RNF150: variants seen among roughly 807,000 people sequenced by gnomAD.
RNF150 encodes ring finger protein 150.
A neutral mutation model predicts 39.3 loss-of-function variants in RNF150; 24 were observed. The ratio of observed to expected loss-of-function variants is 0.61; its 90% CI spans 0.44 to 0.86. The LOEUF is 0.86. RNF150 is among the 40% of genes least tolerant of loss of function. The pLI, the probability that RNF150 is intolerant of heterozygous loss-of-function variation, is 0.00. For missense variants in RNF150, 502 were observed against 587.8 expected (o/e 0.85, Z 1.51); for synonymous variants, 255 against 227.3 (o/e 1.12, Z -1.10).
chr4:141,021,149 A>T (rs1209034611), intron 1 of RNF150, among the ~76,000 whole-genome samples: 1 of 152,186 alleles, frequency 6.6e-6, no homozygotes, highest in Non-Finnish European at 1.5e-5. Context: ...TGCTAAAAGC[A>T]GGCCAGGGTG....
chr4:141,147,102 A>G (rs28556956), intron 1 of RNF150, among the ~76,000 whole-genome samples: 5,137 of 152,244 alleles, frequency 0.034, 314 homozygotes, highest in African/African-American at 0.12. Flanking sequence ...CTACAGGTGT[A>G]TGTCACCACA....
chr4:140,923,937 C>T (rs1449788738), intron 5 of RNF150, among the ~76,000 whole-genome samples: 3 of 149,704 alleles, frequency 2.0e-5, no homozygotes, highest in Non-Finnish European at 4.4e-5. Flanking sequence ...CACATGGACA[C>T]AGGAAGGGGA....
intron 1 of RNF150, among the ~76,000 whole-genome samples, chr4:141,099,067 C>T (rs1259329401): frequency 1.3e-5 from 2 of 152,038 alleles, no homozygotes; most frequent in South Asian, 2.1e-4. Context: ...TTATTTCTGC[C>T]ACTCTTATAT....
chr4:140,999,001 G>GGCTGCTGCT (rs58641225), intron 1 of RNF150, among the ~76,000 whole-genome samples: 2 of 152,020 alleles, frequency 1.3e-5, no homozygotes, highest in African/African-American at 2.4e-5. Context: ...TCACGAAGCA[G>GGCTGCTGCT]GCTGCTGCTG....
chr4:140,998,563 C>T (rs887830529), intron 1 of RNF150, among the ~76,000 whole-genome samples: 2 of 152,196 alleles, frequency 1.3e-5, no homozygotes, highest in Non-Finnish European at 1.5e-5. Flanking sequence ...AAGATTAATA[C>T]CATTACCATC....
At chr4:141,211,927 G>A (rs1728475081) in intron 1 of RNF150, among the ~76,000 whole-genome samples, 1 of 152,122 alleles carries the variant, frequency 6.6e-6, no homozygotes, top group African/African-American at 2.4e-5. Flanking sequence ...TTTAATAGAA[G>A]AATAGAATTT....
chr4:141,161,727 C>T (rs1320616929), intron 1 of RNF150, among the ~76,000 whole-genome samples: 1 of 152,240 alleles, frequency 6.6e-6, no homozygotes, highest in Non-Finnish European at 1.5e-5. Context: ...CTAGCTGCTC[C>T]ATCTCTAGCT....
rs116164411 is a variant in RNF150 at position 141,133,103 on chromosome 4, G to A, written c.-295C>T. 4,057 of 351,852 alleles carry A rather than the reference G, an allele frequency of 0.012. 171 individuals are homozygous for A. Among genetic ancestry groups the A allele is most frequent in the African/African-American group, 0.084 (3,739 of 44,684 alleles). The allele number at this position is 351,852 out of a possible 1,614,324, so 21.8% of individuals were successfully genotyped here. A position where few individuals can be genotyped will look rare whatever the true frequency, so the allele number is the denominator to read the frequency against. The stretch of plus-strand genomic sequence containing the variant: ...GCTTGCGGAGGAGTCCTGCTGCCGA[G>A]CGTCCTGCTCCTTCGCCCGGCTTCG... On this transcript the variant is annotated 5_prime_UTR_variant, in exon 1 of 7. Coordinates refer to ENST00000515673, the MANE Select transcript of RNF150 (RefSeq NM_020724.2).
intron 1 of RNF150, among the ~76,000 whole-genome samples, chr4:141,193,289 T>C (rs1728145308): frequency 6.6e-6 from 1 of 152,224 alleles, no homozygotes; most frequent in South Asian, 2.1e-4. Context: ...ATCTGTTTGG[T>C]TTGTGGTCCA....
chr4:141,127,645 C>T (rs1726787843), intron 1 of RNF150, among the ~76,000 whole-genome samples: 1 of 152,110 alleles, frequency 6.6e-6, no homozygotes, highest in Admixed American at 6.5e-5. Flanking sequence ...AGATATACTC[C>T]ATCCTAGGCT....
intron 1 of RNF150, among the ~76,000 whole-genome samples, chr4:141,079,750 C>T (rs1738078624): frequency 6.6e-6 from 1 of 152,184 alleles, no homozygotes; most frequent in South Asian, 2.1e-4. Context: ...GTAACACCTC[C>T]TAGCAGAACT....
At chr4:141,036,206 A>G (rs138367318) in intron 1 of RNF150, among the ~76,000 whole-genome samples, 120 of 152,264 alleles carry the variant, frequency 7.9e-4, no homozygotes, top group East Asian at 3.1e-3. Context: ...TTTAAATTCT[A>G]CATATGGGGT....
chr4:141,173,136 T>A lies in RNF150; in HGVS notation c.-6+39658A>T, dbSNP rs562756741. The stretch of plus-strand genomic sequence containing the variant: ...CGCTACCTCCATTGCCTTGAGGGAT[T>A]CCAGTGACTATTTCATTTGTATTAG... On this transcript the variant is annotated intron_variant, in intron 1 of 7. Coordinates refer to the RNF150 transcript ENST00000420921. 5.9e-5 allele frequency among the ~76,000 whole-genome samples: 9 copies of A among 152,340 alleles called. No homozygotes were observed. In the East Asian group the frequency reaches 1.3e-3, roughly 23 times the overall value.
chr4:140,908,299 G>T (rs1730468930), intron 6 of RNF150, among the ~76,000 whole-genome samples: 1 of 152,162 alleles, frequency 6.6e-6, no homozygotes, highest in Non-Finnish European at 1.5e-5. Context: ...CAGCCACTTA[G>T]TTAATGGTAT....
chr4:140,958,496 T>C (rs1436157804), intron 2 of RNF150, among the ~76,000 whole-genome samples: 2 of 152,186 alleles, frequency 1.3e-5, no homozygotes, highest in Non-Finnish European at 2.9e-5. Flanking sequence ...TCAATCTGGC[T>C]GCATGCCCTT....
At chr4:140,876,481 T>C (rs1338707708) in intron 6 of RNF150, among the ~76,000 whole-genome samples, 1 of 152,258 alleles carries the variant, frequency 6.6e-6, no homozygotes, top group Non-Finnish European at 1.5e-5. Context: ...TTTTCCCATT[T>C]ATGAGTGGCC....
chr4:141,064,354 G>A (rs1338355930), intron 1 of RNF150, among the ~76,000 whole-genome samples: 1 of 152,168 alleles, frequency 6.6e-6, no homozygotes, highest in Non-Finnish European at 1.5e-5. Flanking sequence ...GTCTGTGTAT[G>A]TTTCCGCTTT....
In RNF150 at chr4:141,165,613, G is replaced by T. The variant is rs568077140; in HGVS notation, c.-6+47181C>A. On this transcript the variant is annotated intron_variant, in intron 1 of 7. Transcript: ENST00000420921. ...AACAAACAGTCTCTCAGACCACAGG[G>T]CAATCAAATTAAAACTCAGGAATAA... 2.6e-5 allele frequency among the ~76,000 whole-genome samples: 4 copies of T among 152,200 alleles called. No homozygotes were observed. In the South Asian group the frequency reaches 8.3e-4, roughly 32 times the overall value.
At chr4:141,165,927 A>G (rs1173012545) in intron 1 of RNF150, among the ~76,000 whole-genome samples, 5 of 152,226 alleles carry the variant, frequency 3.3e-5, no homozygotes, top group Non-Finnish European at 5.9e-5. Flanking sequence ...AAGCTAGCAG[A>G]AGACAAGAAA....
Sources: gnomAD v4.1 joint callset for allele counts (sites outside exome capture counted in the v4.1 genomes callset) on GRCh38, gnomAD v4.1.1 for gene constraint, MANE v1.5 for transcripts, NCBI Gene and HGNC (gene_info 2026-07-23, HGNC 2026-07-21) for gene names.